The following FAM184B variants were observed in gnomAD, a reference collection of about 807,000 sequenced individuals.
FAM184B encodes the protein protein FAM184B.
In FAM184B, 111 loss-of-function variants were observed where a neutral mutation model predicts 135.9. The ratio of observed to expected loss-of-function variants is 0.82; its 90% CI spans 0.70 to 0.96. FAM184B has a LOEUF of 0.96. FAM184B is among the 40% of genes least tolerant of loss of function. The probability of loss-of-function intolerance (pLI) is 0.00; values close to 1 mark genes in which losing one functional copy is unlikely to be tolerated. For missense variants in FAM184B, 1,375 were observed against 1,323.9 expected, an observed-to-expected ratio of 1.04 and a Z score of -0.60; for synonymous variants, 552 against 524.8, an observed-to-expected ratio of 1.05 and a Z score of -0.71.
At chr4:17,735,100 A>G (rs897451963) in intron 1 of FAM184B, among the ~76,000 whole-genome samples, 3 of 148,538 alleles carry the variant, frequency 2.0e-5, no homozygotes, top group Non-Finnish European at 3.0e-5. Context: ...CAAACACCAC[A>G]TGTTCTCACT....
chr4:17,688,941 C>A (rs774457891), intron 6 of FAM184B, among the ~76,000 whole-genome samples: 5 of 152,148 alleles, frequency 3.3e-5, no homozygotes, highest in Non-Finnish European at 5.9e-5. Context: ...GATCCGCCTG[C>A]CTCGGCCTCC....
intron 1 of FAM184B, among the ~76,000 whole-genome samples, chr4:17,779,602 T>C (rs1718995899): frequency 6.6e-6 from 1 of 152,230 alleles, no homozygotes; most frequent in African/African-American, 2.4e-5. Flanking sequence ...CAAGACCATA[T>C]CTTACTAATT....
rs1257043852 is a variant in FAM184B at position 17,646,283 on chromosome 4, T to A, written c.2346+1354A>T. On this transcript the variant is annotated intron_variant, in intron 12 of 17. Coordinates refer to ENST00000265018, the MANE Select transcript of FAM184B (RefSeq NM_015688.2). ...TGCTATAAAGACACATGCACACGTA[T>A]GTTTACTGCAACACTATTCACAATA... is the stretch of plus-strand genomic sequence containing the variant. Among the ~76,000 whole-genome samples, 6 of 151,572 alleles carry A rather than the reference T, an allele frequency of 4.0e-5. No homozygotes were observed. In the South Asian group the frequency reaches 1.3e-3, roughly 32 times the overall value.
intron 1 of FAM184B, among the ~76,000 whole-genome samples, chr4:17,712,180 A>ATTT (rs1717291571): frequency 1.3e-5 from 2 of 152,204 alleles, no homozygotes; most frequent in Non-Finnish European, 2.9e-5. Flanking sequence ...AAGACAAGGT[A>ATTT]TTTTCAAGGT....
chr4:17,652,220 G>T (rs1462532815), intron 11 of FAM184B, among the ~76,000 whole-genome samples: 2 of 143,418 alleles, frequency 1.4e-5, no homozygotes, highest in Non-Finnish European at 3.0e-5. Flanking sequence ...TGCCTCCCGG[G>T]TTCACGCCAT....
intron 2 of FAM184B, among the ~76,000 whole-genome samples, chr4:17,708,672 T>TATATATAG (rs1560182075): frequency 3.6e-5 from 1 of 28,022 alleles, no homozygotes; most frequent in African/African-American, 1.8e-4. Flanking sequence ...ACTATATATA[T>TATATATAG]ATATATATAT....
At chr4:17,763,467 T>A (rs1000725776) in intron 1 of FAM184B, among the ~76,000 whole-genome samples, 1 of 152,078 alleles carries the variant, frequency 6.6e-6, no homozygotes, top group South Asian at 2.1e-4. Context: ...TCATATTTAT[T>A]TAGGCTGTTA....
At chr4:17,702,396 A>G (rs1004193017) in intron 5 of FAM184B, among the ~76,000 whole-genome samples, 1 of 152,176 alleles carries the variant, frequency 6.6e-6, no homozygotes, top group Non-Finnish European at 1.5e-5. Context: ...CGGTGACAGT[A>G]TCATCTAATC....
In FAM184B at chr4:17,630,085, T is replaced by C. The variant is rs762473663; in HGVS notation, c.*2447A>G. Reference sequence around the variant, plus strand: ...GCAGCAAGAAAGGAGTCAAAACCTATGTACGATCTCAACTAGTAAAATTTT... The same window carrying C: ...GCAGCAAGAAAGGAGTCAAAACCTACGTACGATCTCAACTAGTAAAATTTT... On this transcript the variant is annotated 3_prime_UTR_variant, in exon 18 of 18. Coordinates refer to ENST00000265018, the MANE Select transcript of FAM184B (RefSeq NM_015688.2). The C allele has an allele frequency of 4.6e-5, 7 of 152,216 alleles. No individual in the cohort carries two copies. The highest frequency in any genetic ancestry group is 7.2e-5 in the African/African-American group (3 of 41,456). The allele number at this position is 152,216 out of a possible 1,614,324, so 9.4% of individuals were successfully genotyped here. A position where few individuals can be genotyped will look rare whatever the true frequency, so the allele number is the denominator to read the frequency against.
chr4:17,672,506 A>G (rs1716201586), intron 7 of FAM184B, among the ~76,000 whole-genome samples: 1 of 152,090 alleles, frequency 6.6e-6, no homozygotes. Context: ...ATTCAGTAGA[A>G]TGTGGGTTTG....
intron 1 of FAM184B, among the ~76,000 whole-genome samples, chr4:17,777,667 C>T (rs867763011): frequency 6.6e-6 from 1 of 152,098 alleles, no homozygotes; most frequent in Non-Finnish European, 1.5e-5. Context: ...GGATGCAACA[C>T]AAAGACAAAA....
chr4:17,748,993 A>ATTTT lies in FAM184B; in HGVS notation c.141+32162_141+32165dup, dbSNP rs35520026. Among the ~76,000 whole-genome samples the ATTTT allele has an allele frequency of 2.0e-3, 254 of 128,190 alleles. 2 individuals are homozygous for ATTTT. Among genetic ancestry groups the ATTTT allele is most frequent in the African/African-American group, 7.2e-3 (245 of 33,852 alleles). 84.1% of individuals were successfully genotyped at this position (128,190 alleles called of 152,430 possible). ...AGGTGCTTGCCAGCACACCCAGCTA[A>ATTTT]TTTTTTTTTTTTTTTTTTTTTTAAG... On this transcript the variant is annotated intron_variant, in intron 1 of 17. Transcript: ENST00000265018.
chr4:17,756,986 A>G (rs1209224065), intron 1 of FAM184B, among the ~76,000 whole-genome samples: 2 of 152,228 alleles, frequency 1.3e-5, no homozygotes, highest in Non-Finnish European at 1.5e-5. Flanking sequence ...CTCTAGTGAA[A>G]TGATGGTCAG....
chr4:17,648,768 T>G (rs566950984), intron 11 of FAM184B, among the ~76,000 whole-genome samples: 5 of 152,210 alleles, frequency 3.3e-5, no homozygotes, highest in Admixed American at 2.6e-4. Flanking sequence ...GGGACTAAAA[T>G]GGAATCATCC....
intron 14 of FAM184B, among the ~76,000 whole-genome samples, chr4:17,638,762 T>A (rs1715222742): frequency 6.6e-6 from 1 of 151,698 alleles, no homozygotes; most frequent in Non-Finnish European, 1.5e-5. Context: ...CCTCACAAAT[T>A]CCCACTGCCC....
chr4:17,768,280 A>AC (rs1318029974), intron 1 of FAM184B, among the ~76,000 whole-genome samples: 5 of 151,576 alleles, frequency 3.3e-5, no homozygotes, highest in African/African-American at 9.7e-5. Context: ...TCTGAACCCC[A>AC]CCCCCCCTTT....
intron 13 of FAM184B, 37 bp downstream of exon 13, chr4:17,642,019 A>G (rs1439984756): frequency 7.4e-6 from 11 of 1,495,788 alleles, no homozygotes; most frequent in African/African-American, 5.8e-5. Context: ...GTAGGGGGTG[A>G]GGGTGGCGCG....
intron 1 of FAM184B, among the ~76,000 whole-genome samples, chr4:17,739,378 A>C (rs912678033): frequency 1.3e-5 from 2 of 151,806 alleles, no homozygotes; most frequent in African/African-American, 2.4e-5. Flanking sequence ...AGAGTAGAAA[A>C]CTTCCGCTTG....
At chr4:17,710,339 CAAACAAAG>C (rs1293244255) in intron 1 of FAM184B, among the ~76,000 whole-genome samples, 1 of 151,684 alleles carries the variant, frequency 6.6e-6, no homozygotes, top group Non-Finnish European at 1.5e-5. Context: ...AACAAACAAA[CAAACAAAG>C]AAACAAAAAC....
Sources: gnomAD v4.1 joint callset for allele counts (sites outside exome capture counted in the v4.1 genomes callset) on GRCh38, gnomAD v4.1.1 for gene constraint, MANE v1.5 for transcripts, NCBI Gene and HGNC (gene_info 2026-07-23, HGNC 2026-07-21) for gene names.